Variants in GPD2 observed in about 807,000 individuals in gnomAD.
GPD2 encodes the protein glycerol-3-phosphate dehydrogenase, mitochondrial.
A neutral mutation model predicts 82.4 loss-of-function variants in GPD2; 54 were observed. The observed-to-expected ratio is 0.66, with a 90% confidence interval of 0.53 to 0.82. The LOEUF (loss-of-function observed/expected upper bound fraction) is 0.82. Among genes scored for constraint, GPD2 ranks in the 40% least tolerant of loss-of-function variants. The pLI is 0.00. For synonymous variants in GPD2, 288 were observed against 306.1 expected (o/e 0.94, Z 0.62); for missense variants, 748 against 896.2 (o/e 0.83, Z 2.11).
Position 156,584,979 on chromosome 2 carries a change from G to A in GPD2, c.*2061G>A, listed in dbSNP as rs1470430661. On this transcript the variant is annotated 3_prime_UTR_variant, in exon 17 of 17. Transcript: ENST00000438166. ...GATCTGTGTTTGTTAAACAGGCCTT[G>A]TTTGTGCATGCTTTGCTATGAATGA... is the stretch of plus-strand genomic sequence containing the variant. 1 of 151,926 alleles carries A rather than the reference G, an allele frequency of 6.6e-6. No homozygotes were observed. Among genetic ancestry groups the A allele is most frequent in the Non-Finnish European group, 1.5e-5 (1 of 67,908 alleles). The allele number at this position is 151,926 out of a possible 1,614,324, so 9.4% of individuals were successfully genotyped here. A position where few individuals can be genotyped will look rare whatever the true frequency, so the allele number is the denominator to read the frequency against.
At chr2:156,552,481 T>G (rs1686795436) in intron 8 of GPD2, among the ~76,000 whole-genome samples, 1 of 152,226 alleles carries the variant, frequency 6.6e-6, no homozygotes, top group South Asian at 2.1e-4. Flanking sequence ...TATGAGTTTT[T>G]GTTTGTTTGT....
chr2:156,545,095 TGCACACACATGA>T (rs939595559), intron 6 of GPD2, among the ~76,000 whole-genome samples: 1 of 152,190 alleles, frequency 6.6e-6, no homozygotes, highest in Non-Finnish European at 1.5e-5. Context: ...CGTGTGCATG[TGCACACACATGA>T]GCATACACAC....
chr2:156,430,204 T>C, the GPD2 span, among the ~76,000 whole-genome samples: 8 of 152,312 alleles, frequency 5.3e-5, no homozygotes, highest in Admixed American at 5.2e-4. Context: ...ATAGTTCTAT[T>C]GACAACTTAT....
intron 8 of GPD2, among the ~76,000 whole-genome samples, chr2:156,552,140 A>G (rs1686782771): frequency 6.6e-6 from 1 of 152,204 alleles, no homozygotes; most frequent in Non-Finnish European, 1.5e-5. Context: ...ATTAAAGAGA[A>G]TTTCTTATCC....
At chr2:156,433,014 T>C (rs866099647), upstream of GPD2, among the ~76,000 whole-genome samples, 5 of 152,318 alleles carry the variant, frequency 3.3e-5, no homozygotes, top group Middle Eastern at 0.01. Context: ...CCAGTGCTCC[T>C]GACTTTTCTC....
chr2:156,419,240 G>A, the GPD2 span, among the ~76,000 whole-genome samples: 3 of 151,736 alleles, frequency 2.0e-5, no homozygotes, highest in African/African-American at 7.3e-5. Context: ...TGTATTTTTA[G>A]TAGAGACGAG....
At chr2:156,549,928 G>A (rs1024895802) in intron 7 of GPD2, among the ~76,000 whole-genome samples, 156 bp downstream of exon 7, 5 of 152,106 alleles carry the variant, frequency 3.3e-5, no homozygotes, top group South Asian at 2.1e-4. Flanking sequence ...CTGGTTTAAC[G>A]TGAAAATTTC....
intron 6 of GPD2, among the ~76,000 whole-genome samples, chr2:156,546,245 G>A (rs894340319): frequency 6.6e-6 from 1 of 152,174 alleles, no homozygotes. Flanking sequence ...GTATAATGTT[G>A]CCTGGCTCTA....
At chr2:156,477,862 C>T (rs1380616562) in intron 2 of GPD2, among the ~76,000 whole-genome samples, 3 of 152,062 alleles carry the variant, frequency 2.0e-5, no homozygotes, top group Non-Finnish European at 4.4e-5. Flanking sequence ...GAGGCTATTT[C>T]AGAAGTGCAC....
chr2:156,465,439 G>A (rs1395268159), intron 1 of GPD2, among the ~76,000 whole-genome samples: 2 of 145,534 alleles, frequency 1.4e-5, no homozygotes, highest in African/African-American at 5.1e-5. Flanking sequence ...ATAGCTCACT[G>A]CAGCCTTGAA....
At chr2:156,514,990 T>C (rs1010438281) in intron 6 of GPD2, among the ~76,000 whole-genome samples, 1 of 152,218 alleles carries the variant, frequency 6.6e-6, no homozygotes. Context: ...GTTTGTGGCC[T>C]TTCCCTCTTA....
At chr2:156,496,912 G>A (rs1359804410) in intron 3 of GPD2, among the ~76,000 whole-genome samples, 3 of 151,856 alleles carry the variant, frequency 2.0e-5, no homozygotes, top group Admixed American at 1.3e-4. Context: ...TAGTTCATGC[G>A]AATAAATAAT....
At chr2:156,543,569 G>A (rs535879382) in intron 6 of GPD2, among the ~76,000 whole-genome samples, 1 of 152,298 alleles carries the variant, frequency 6.6e-6, no homozygotes, top group South Asian at 2.1e-4. Context: ...TGTAATAAAT[G>A]TATGTACAAA....
chr2:156,479,928 G>A (rs1182687836), intron 2 of GPD2, among the ~76,000 whole-genome samples: 2 of 152,240 alleles, frequency 1.3e-5, no homozygotes, highest in South Asian at 2.1e-4. Context: ...TTAGTACTGC[G>A]ATATAAGCAT....
intron 1 of GPD2, among the ~76,000 whole-genome samples, chr2:156,474,589 A>AT (rs1160129782): frequency 6.6e-6 from 1 of 152,044 alleles, no homozygotes. Context: ...CAACTCTAGA[A>AT]TTTTTTTTAG....
chr2:156,573,911 G>A (rs1282502603), intron 13 of GPD2, among the ~76,000 whole-genome samples: 5 of 152,118 alleles, frequency 3.3e-5, no homozygotes, highest in African/African-American at 7.2e-5. Context: ...ATAACTCTCC[G>A]TAGATGAACT....
chr2:156,454,802 T>A (rs960868965), intron 1 of GPD2, among the ~76,000 whole-genome samples: 1 of 151,996 alleles, frequency 6.6e-6, no homozygotes, highest in African/African-American at 2.4e-5. Flanking sequence ...TGGTGATGTC[T>A]TGGGGGAAAT....
intron 7 of GPD2, among the ~76,000 whole-genome samples, 194 bp from the exon 8 acceptor site, chr2:156,550,408 G>T (rs997002904): frequency 6.6e-6 from 1 of 152,122 alleles, no homozygotes; most frequent in African/African-American, 2.4e-5. Context: ...CTTCAATTCC[G>T]ACTTGTTTTT....
intron 6 of GPD2, 60 bp downstream of exon 6, chr2:156,513,556 A>G: frequency 7.7e-7 from 1 of 1,296,608 alleles, no homozygotes; most frequent in East Asian, 2.3e-5. Context: ...CATGACCCGT[A>G]TAGTGTATTC....
Sources: allele counts gnomAD v4.1 joint callset (sites outside exome capture counted in the v4.1 genomes callset), GRCh38; gene constraint gnomAD v4.1.1; transcripts MANE v1.5; gene names NCBI Gene and HGNC (gene_info 2026-07-23, HGNC 2026-07-21).